The following MCCC1 variants were observed in gnomAD, a reference collection of about 807,000 sequenced individuals.
MCCC1 encodes the protein methylcrotonyl-CoA carboxylase subunit 1.
Under a neutral mutation model 83.8 loss-of-function variants are expected in MCCC1, and 64 were observed. The observed-to-expected ratio is 0.76, with a 90% CI of 0.62 to 0.94. The LOEUF is 0.94. MCCC1 is among the 40% of genes least tolerant of loss of function. The pLI is 0.00. For synonymous variants in MCCC1, 322 were observed against 315.4 expected, an observed-to-expected ratio of 1.02 and a Z score of -0.22; for missense variants, 807 against 904.7, an observed-to-expected ratio of 0.89 and a Z score of 1.39.
At chr3:183,047,389 C>A (rs1028791011) in intron 9 of MCCC1, among the ~76,000 whole-genome samples, 1 of 152,104 alleles carries the variant, frequency 6.6e-6, no homozygotes, top group African/African-American at 2.4e-5. Flanking sequence ...TTACCAAAGG[C>A]CTGTTTAGCA....
At chr3:183,072,161 C>T (rs1022462531) in intron 5 of MCCC1, among the ~76,000 whole-genome samples, 1 of 151,942 alleles carries the variant, frequency 6.6e-6, no homozygotes, top group Non-Finnish European at 1.5e-5. Flanking sequence ...AGCCACTGTG[C>T]CCAGGCCTGG....
At chr3:183,079,727 T>A (rs1411105409) in intron 4 of MCCC1, among the ~76,000 whole-genome samples, 1 of 152,232 alleles carries the variant, frequency 6.6e-6, no homozygotes, top group Non-Finnish European at 1.5e-5. Flanking sequence ...ACCCCACATT[T>A]CCCTTCTGCA....
chr3:183,030,414 T>C (rs1384143405), intron 14 of MCCC1, among the ~76,000 whole-genome samples: 1 of 152,178 alleles, frequency 6.6e-6, no homozygotes, highest in Non-Finnish European at 1.5e-5. Context: ...TTCACTACGC[T>C]GCTGGTGCCC....
chr3:183,047,256 G>A lies in MCCC1; in HGVS notation c.956-1716C>T, dbSNP rs187830126. ...ACATACTGTCCACCCTAAGGGGTGG[G>A]GGAAAACAAAACAAAAACATACCAG... is the stretch of plus-strand genomic sequence containing the variant. On this transcript the variant is annotated intron_variant, in intron 9 of 18. Coordinates refer to ENST00000265594, the MANE Select transcript of MCCC1 (RefSeq NM_020166.5). 5.3e-4 allele frequency among the ~76,000 whole-genome samples: 81 copies of A among 152,216 alleles called. No homozygotes were observed. The East Asian group carries it at 0.014, about 26-fold the overall frequency.
At chr3:183,034,266 C>T (rs567121361) in intron 13 of MCCC1, among the ~76,000 whole-genome samples, 189 bp from the exon 14 acceptor site, 80 of 152,068 alleles carry the variant, frequency 5.3e-4, no homozygotes, top group African/African-American at 1.7e-3. Flanking sequence ...CTAGCTAACA[C>T]GGTGAAACCC....
chr3:183,102,474 A>T (rs1305010341), upstream of MCCC1, among the ~76,000 whole-genome samples: 4 of 152,192 alleles, frequency 2.6e-5, no homozygotes, highest in Non-Finnish European at 5.9e-5. Flanking sequence ...CACTATTAAG[A>T]AATCAATTAA....
intron 1 of MCCC1, among the ~76,000 whole-genome samples, chr3:183,105,975 G>A (rs527328491): frequency 1.3e-5 from 2 of 151,502 alleles, no homozygotes; most frequent in South Asian, 4.2e-4. Context: ...TATAATCCCA[G>A]CTACTCAGGA....
Position 183,092,535 on chromosome 3 carries a change from A to G in MCCC1, c.147T>C (p.Ile49=), listed in dbSNP as rs1169987006. ...CTCTGTTTGCAATGAGGACCTTGGT[A>G]ATGTTTCTTCCTGTTTAAAACACCA... ...MKYTTATGRN[I]TKVLIANRGE... The change falls in exon 3 of 19, where the codon ATT becomes ATC. Residue 49 remains isoleucine (I), a synonymous_variant. Transcript: ENST00000265594. The G allele has an allele frequency of 1.9e-6, 3 of 1,614,034 alleles. No individual in the cohort carries two copies. Among genetic ancestry groups the G allele is most frequent in the Admixed American group, 1.7e-5 (1 of 59,992 alleles).
rs757522697 is a variant in MCCC1, at chr3:183,034,032, A to G, written c.1640T>C (p.Ile547Thr). 5 of 1,612,422 alleles carry G rather than the reference A, an allele frequency of 3.1e-6. No individual in the cohort carries two copies. Among genetic ancestry groups the G allele is most frequent in the Non-Finnish European group, 3.4e-6 (4 of 1,179,184 alleles). ...FSSSSGRRLN[I>T]SYTRNMTLKD... ...AAGAGTCATGTTTCTGGTATACGAGATATTCAGTCTTCTTCCACTGCTAGA... is the reference window on the plus strand; with the variant it reads ...AAGAGTCATGTTTCTGGTATACGAGGTATTCAGTCTTCTTCCACTGCTAGA... The change falls in exon 14 of 19, where the codon ATC becomes ACC. Residue 547 changes from isoleucine (I) to threonine (T), a missense_variant. Ile to Thr is a moderately conservative substitution (Grantham distance 89). Transcript: ENST00000265594.
chr3:183,070,050 A>G (rs1332173002), intron 7 of MCCC1, among the ~76,000 whole-genome samples: 1 of 152,334 alleles, frequency 6.6e-6, no homozygotes, highest in East Asian at 1.9e-4. Flanking sequence ...TGAAAACAGT[A>G]CTTACCTAAT....
chr3:183,083,538 T>C (rs1446604569), intron 4 of MCCC1, among the ~76,000 whole-genome samples: 2 of 152,186 alleles, frequency 1.3e-5, no homozygotes, highest in African/African-American at 4.8e-5. Context: ...GAAAGTATGT[T>C]ATTCTTTTCA....
In MCCC1 at chr3:183,041,723, T is replaced by G. The variant is rs1401441765; in HGVS notation, c.1111A>C (p.Ser371Arg). The change falls in exon 11 of 19, where the codon AGC becomes CGC. Residue 371 changes from serine to arginine, a missense_variant. Transcript: ENST00000265594. ...CCCTGCAGAGTTATTTCTTCCTGGC[T>G]CAAAGGAATCTTCTCTCCTGCTGCA... ...RIAAGEKIPL[S>R]QEEITLQGHA... 1 of 1,614,214 alleles carries G rather than the reference T, an allele frequency of 6.2e-7. No individual in the cohort carries two copies. The highest frequency in any genetic ancestry group is 1.3e-5 in the African/African-American group (1 of 75,068).
chr3:183,112,121 C>A (rs1158303859), intron 1 of MCCC1, among the ~76,000 whole-genome samples: 2 of 152,088 alleles, frequency 1.3e-5, no homozygotes, highest in Non-Finnish European at 1.5e-5. Flanking sequence ...TTTCTAATAC[C>A]TAAAAAGGGC....
chr3:183,024,899 T>G (rs955540077), intron 15 of MCCC1, among the ~76,000 whole-genome samples: 1 of 151,752 alleles, frequency 6.6e-6, no homozygotes, highest in Non-Finnish European at 1.5e-5. Context: ...CGAATGTTCA[T>G]TAATGGCTGA....
At chr3:183,019,721 A>G (rs6443842) in intron 17 of MCCC1, among the ~76,000 whole-genome samples, 137,108 of 152,258 alleles carry the variant, frequency 0.9, 62,027 homozygotes, top group East Asian at 1. Context: ...GTTCTTCACC[A>G]ATACCAGCCT....
intron 1 of MCCC1, among the ~76,000 whole-genome samples, chr3:183,095,779 C>T (rs1358839118): frequency 6.6e-6 from 1 of 151,946 alleles, no homozygotes; most frequent in African/African-American, 2.4e-5. Flanking sequence ...TTCTCACACA[C>T]GAGATGAGAC....
intron 11 of MCCC1, 78 bp downstream of exon 11, chr3:183,041,489 G>C (rs1560223885): frequency 3.5e-6 from 5 of 1,446,870 alleles, no homozygotes; most frequent in Non-Finnish European, 4.9e-6. Flanking sequence ...GTAAGACTCA[G>C]GGATAAGAAT....
chr3:183,087,420 G>A (rs1436615959), intron 3 of MCCC1, among the ~76,000 whole-genome samples: 7 of 152,148 alleles, frequency 4.6e-5, no homozygotes, highest in Non-Finnish European at 8.8e-5. Context: ...CTGTCTAGGG[G>A]GAGAGACAGA....
At chr3:183,016,735 T>C (rs1346346395) in intron 18 of MCCC1, among the ~76,000 whole-genome samples, 2 of 152,232 alleles carry the variant, frequency 1.3e-5, no homozygotes, top group South Asian at 2.1e-4. Context: ...AAATCCTTAA[T>C]TGAACCATTG....
Sources: gnomAD v4.1 joint callset for allele counts (sites outside exome capture counted in the v4.1 genomes callset) on GRCh38, gnomAD v4.1.1 for gene constraint, MANE v1.5 for transcripts, NCBI Gene and HGNC (gene_info 2026-07-23, HGNC 2026-07-21) for gene names.